LMX1B: variants seen among roughly 807,000 people sequenced by gnomAD.
LMX1B encodes the protein LIM homeobox transcription factor 1-beta.
Under a neutral mutation model 51.4 loss-of-function variants are expected in LMX1B, and 12 were observed. The observed-to-expected ratio is 0.23, with a 90% confidence interval of 0.15 to 0.38. The LOEUF is 0.38. Ranked by LOEUF, LMX1B falls within the 10% of genes least tolerant of loss-of-function variation. LMX1B has a pLI of 1.00. For synonymous variants in LMX1B, 237 were observed against 235.4 expected (o/e 1.01, Z -0.06); for missense variants, 445 against 571.1 (o/e 0.78, Z 2.25).
intron 2 of LMX1B, among the ~76,000 whole-genome samples, chr9:126,633,437 A>G (rs1047829937): frequency 2.6e-5 from 4 of 152,172 alleles, no homozygotes; most frequent in Non-Finnish European, 4.4e-5. Flanking sequence ...GGATGGATGA[A>G]GCTCCCTGGG....
chr9:126,662,031 C>T (rs974337663), intron 2 of LMX1B, among the ~76,000 whole-genome samples: 10 of 152,310 alleles, frequency 6.6e-5, no homozygotes, highest in East Asian at 5.8e-4. Flanking sequence ...GGGACACCTG[C>T]GGGGCAGCCG....
At chr9:126,670,267 G>A (rs920468564) in intron 2 of LMX1B, among the ~76,000 whole-genome samples, 3 of 152,218 alleles carry the variant, frequency 2.0e-5, no homozygotes, top group Non-Finnish European at 4.4e-5. Context: ...GAGTAGAGGC[G>A]GCAGACCTCC....
intron 2 of LMX1B, among the ~76,000 whole-genome samples, chr9:126,623,429 G>A (rs777988159): frequency 6.6e-6 from 1 of 152,220 alleles, no homozygotes; most frequent in Non-Finnish European, 1.5e-5. Flanking sequence ...ATTGGCGTTT[G>A]TTGAGCCCCT....
rs59836255 is a variant in LMX1B at position 126,697,837 on chromosome 9, C to CTGTTT, written c.*1437_*1441dup. 8,082 of 147,780 alleles carry CTGTTT rather than the reference C, an allele frequency of 0.055. 256 individuals carry two copies. The highest frequency in any genetic ancestry group is 0.096 in the East Asian group (481 of 5,016). The allele number at this position is 147,780 out of a possible 1,614,324, so 9.2% of individuals were successfully genotyped here. A position where few individuals can be genotyped will look rare whatever the true frequency, so the allele number is the denominator to read the frequency against. On this transcript the variant is annotated 3_prime_UTR_variant, in exon 8 of 8. Transcript: ENST00000373474. The stretch of plus-strand genomic sequence containing the variant: ...TGTATATGCAGGATGGGGGCACCTA[C>CTGTTT]TGTTTTGTTTTGTTTTGTTTTGTTT...
In LMX1B at chr9:126,680,232, C is replaced by A. The variant is rs557628577; in HGVS notation, c.327-10604C>A. 2.0e-5 allele frequency among the ~76,000 whole-genome samples: 3 copies of A among 152,302 alleles called. No individual in the cohort carries two copies. In the East Asian group the frequency reaches 5.8e-4, roughly 29 times the overall value. Reference sequence around the variant, plus strand: ...GAGTTGTTTTGGGAGGTGGCCAGGGCAGATGAGGTTAAAGCAGGAAAGGGC... The same window carrying A: ...GAGTTGTTTTGGGAGGTGGCCAGGGAAGATGAGGTTAAAGCAGGAAAGGGC... On this transcript the variant is annotated intron_variant, in intron 2 of 7. Transcript: ENST00000373474.
intron 2 of LMX1B, among the ~76,000 whole-genome samples, chr9:126,689,223 T>C (rs1235397418): frequency 6.6e-6 from 1 of 152,176 alleles, no homozygotes; most frequent in East Asian, 1.9e-4. Context: ...TGCTGAGTGC[T>C]CTGGCCAGTG....
chr9:126,624,623 G>A (rs1004683992), intron 2 of LMX1B, among the ~76,000 whole-genome samples: 1 of 151,760 alleles, frequency 6.6e-6, no homozygotes, highest in Non-Finnish European at 1.5e-5. Flanking sequence ...TCCCTCCTGC[G>A]CCCCAGCCCG....
At chr9:126,621,655 CTTTTTTTTTTTT>C (rs71377950) in intron 2 of LMX1B, among the ~76,000 whole-genome samples, 15 of 116,864 alleles carry the variant, frequency 1.3e-4, no homozygotes, top group Admixed American at 5.1e-4. Flanking sequence ...TCTCTCTCTT[CTTTTTTTTTTTT>C]TTTTTTTTTT....
intron 2 of LMX1B, among the ~76,000 whole-genome samples, chr9:126,681,883 A>T (rs1385583637): frequency 1.3e-5 from 2 of 151,442 alleles, no homozygotes; most frequent in African/African-American, 2.4e-5. Flanking sequence ...CCTGGGCGAC[A>T]GAGTGAGACT....
At chr9:126,621,652 C>CTT (rs770160486) in intron 2 of LMX1B, among the ~76,000 whole-genome samples, 6 of 100,292 alleles carry the variant, frequency 6.0e-5, no homozygotes, top group African/African-American at 2.8e-4. Context: ...CTCTCTCTCT[C>CTT]TTCTTTTTTT....
At chr9:126,635,395 C>T (rs777469831) in intron 2 of LMX1B, among the ~76,000 whole-genome samples, 2 of 152,182 alleles carry the variant, frequency 1.3e-5, no homozygotes, top group Non-Finnish European at 2.9e-5. Context: ...CAGTTGCAGT[C>T]GGAGGAGATG....
Position 126,694,601 on chromosome 9 carries a change from G to A in LMX1B, c.886+789G>A, listed in dbSNP as rs528613984. ...GCTCCCTGGGACTGCTGAAGCAGGC[G>A]GGGGACAGAGCTGCCTGCGCCCTGG... On this transcript the variant is annotated intron_variant, in intron 6 of 7. Coordinates refer to ENST00000373474, the MANE Select transcript of LMX1B (RefSeq NM_001174147.2). Among the ~76,000 whole-genome samples the A allele has an allele frequency of 9.8e-5, 15 of 152,332 alleles. No individual in the cohort carries two copies. The South Asian group carries it at 2.9e-3, about 29-fold the overall frequency.
intron 2 of LMX1B, among the ~76,000 whole-genome samples, chr9:126,631,091 C>A (rs1029267025): frequency 2.6e-5 from 4 of 152,218 alleles, no homozygotes. Flanking sequence ...CAGTGGCCCC[C>A]CTGTGGGATG....
chr9:126,648,754 G>T (rs1449423054), intron 2 of LMX1B, among the ~76,000 whole-genome samples: 1 of 152,170 alleles, frequency 6.6e-6, no homozygotes, highest in Non-Finnish European at 1.5e-5. Flanking sequence ...GAGGCACCAG[G>T]GGTGGCAAGG....
chr9:126,636,548 A>C, intron 2 of LMX1B, among the ~76,000 whole-genome samples: 1 of 151,572 alleles, frequency 6.6e-6, no homozygotes, highest in East Asian at 1.9e-4. Context: ...TACAACATGC[A>C]CTCTGGCTGC....
chr9:126,620,829 G>T lies in LMX1B; in HGVS notation c.326+5260G>T, dbSNP rs531319973. Among the ~76,000 whole-genome samples the T allele has an allele frequency of 2.1e-4, 32 of 152,320 alleles. 1 individual carries two copies. The South Asian group carries it at 3.7e-3, about 18-fold the overall frequency. ...TGGAAAAGCTTAATAATTCATATTT[G>T]AAGAACTGTTTGTACTTACTGTTTT... On this transcript the variant is annotated intron_variant, in intron 2 of 7. Coordinates refer to ENST00000373474, the MANE Select transcript of LMX1B (RefSeq NM_001174147.2).
chr9:126,664,992 T>G (rs1836316101), intron 2 of LMX1B, among the ~76,000 whole-genome samples: 1 of 152,260 alleles, frequency 6.6e-6, no homozygotes, highest in South Asian at 2.1e-4. Flanking sequence ...TCTCTCTCAT[T>G]GGAGAGGCTG....
At chr9:126,678,212 A>G (rs1306416829) in intron 2 of LMX1B, among the ~76,000 whole-genome samples, 1 of 152,082 alleles carries the variant, frequency 6.6e-6, no homozygotes, top group Non-Finnish European at 1.5e-5. Context: ...CGGGAGGCTA[A>G]GACAGGAGAA....
Position 126,614,471 on chromosome 9 carries a change from G to A in LMX1B, c.22G>A (p.Glu8Lys), listed in dbSNP as rs756001518. The A allele has an allele frequency of 1.9e-5, 30 of 1,583,656 alleles. No individual in the cohort carries two copies. In the Middle Eastern group the frequency reaches 5.0e-4, roughly 26 times the overall value. The change falls in exon 1 of 8, where the codon GAG (glutamate) becomes AAG (lysine). Residue 8 changes from glutamate to lysine, a missense_variant. Physicochemically the swap from Glu to Lys is moderately conservative, Grantham distance 56. This residue lies in a region of LMX1B where 273 missense variants were observed against 343.3 expected (regional missense o/e 0.80). Transcript: ENST00000373474. MDIATGP[E>K]SLERCFPRGQ... ...TCCCATGGATATAGCAACAGGTCCC[G>A]AGTCGCTGGAGAGGTGCTTCCCTCG...
Sources: gnomAD v4.1 joint callset for allele counts (sites outside exome capture counted in the v4.1 genomes callset) on GRCh38, gnomAD v4.1.1 for gene constraint, gnomAD v4.1.1 regional missense constraint, MANE v1.5 for transcripts, NCBI Gene and HGNC (gene_info 2026-07-23, HGNC 2026-07-21) for gene names.